Variants in LSAMP observed in about 807,000 individuals in gnomAD.
LSAMP encodes limbic system-associated membrane protein.
Under a neutral mutation model 38.6 loss-of-function variants are expected in LSAMP, and 7 were observed. The ratio of observed to expected loss-of-function variants is 0.18; its 90% confidence interval spans 0.10 to 0.34. The LOEUF (loss-of-function observed/expected upper bound fraction) is 0.34. Ranked by LOEUF, LSAMP falls within the 10% of genes least tolerant of loss-of-function variation. The pLI is 1.00. For synonymous variants in LSAMP, 154 were observed against 166.8 expected, an observed-to-expected ratio of 0.92 and a Z score of 0.59; for missense variants, 313 against 420.0, an observed-to-expected ratio of 0.75 and a Z score of 2.23.
At chr3:116,210,231 C>T (rs1476905112) in intron 1 of LSAMP, among the ~76,000 whole-genome samples, 1 of 152,064 alleles carries the variant, frequency 6.6e-6, no homozygotes, top group Non-Finnish European at 1.5e-5. Flanking sequence ...TGGAAGGATG[C>T]AAAGTATTGT....
chr3:116,104,486 TC>T (rs1476991421), intron 1 of LSAMP, among the ~76,000 whole-genome samples: 2 of 151,890 alleles, frequency 1.3e-5, no homozygotes, highest in African/African-American at 2.4e-5. Flanking sequence ...GCTTTGTTCA[TC>T]GGGGAGAAAT....
chr3:116,031,768 G>A (rs1423752624), intron 2 of LSAMP, among the ~76,000 whole-genome samples: 1 of 151,558 alleles, frequency 6.6e-6, no homozygotes, highest in Non-Finnish European at 1.5e-5. Flanking sequence ...TTCACAGGAG[G>A]TTTTAGAATT....
At chr3:116,135,304 A>T (rs1709223816) in intron 1 of LSAMP, among the ~76,000 whole-genome samples, 1 of 152,200 alleles carries the variant, frequency 6.6e-6, no homozygotes, top group Non-Finnish European at 1.5e-5. Flanking sequence ...AACGTTTATA[A>T]AGGGCATTCA....
chr3:116,351,692 T>G (rs1249433194), intron 1 of LSAMP, among the ~76,000 whole-genome samples: 3 of 152,062 alleles, frequency 2.0e-5, no homozygotes, highest in African/African-American at 4.8e-5. Flanking sequence ...CCCTAGAAAC[T>G]GTTGTCTGTT....
At chr3:116,143,833 C>G (rs745321248) in intron 1 of LSAMP, among the ~76,000 whole-genome samples, 1 of 151,792 alleles carries the variant, frequency 6.6e-6, no homozygotes, top group African/African-American at 2.4e-5. Context: ...GTTAGCTTCC[C>G]TCCTCCTTTG....
At chr3:116,443,891 G>A (rs763037260) in intron 1 of LSAMP, among the ~76,000 whole-genome samples, 1 of 152,136 alleles carries the variant, frequency 6.6e-6, no homozygotes, top group Non-Finnish European at 1.5e-5. Flanking sequence ...AGAGGAGGAA[G>A]AGAAAAGAGA....
At chr3:115,887,517 C>T (rs1936486472) in intron 3 of LSAMP, among the ~76,000 whole-genome samples, 2 of 151,854 alleles carry the variant, frequency 1.3e-5, no homozygotes, top group South Asian at 4.1e-4. Context: ...TTTGGTTTTG[C>T]ATTAAGTAGA....
chr3:116,155,447 C>T (rs527922415), intron 1 of LSAMP, among the ~76,000 whole-genome samples: 4 of 152,024 alleles, frequency 2.6e-5, no homozygotes, highest in South Asian at 2.1e-4. Context: ...AGGCTGGTTT[C>T]GAACTCCTGA....
intron 3 of LSAMP, among the ~76,000 whole-genome samples, chr3:115,854,252 A>C (rs1559851775): frequency 8.5e-6 from 1 of 117,750 alleles, no homozygotes; most frequent in Non-Finnish European, 1.7e-5. Flanking sequence ...ATAGTTAAAT[A>C]TTATTATTAT....
intron 3 of LSAMP, among the ~76,000 whole-genome samples, chr3:115,975,291 CA>C (rs1439932845): frequency 1.3e-5 from 2 of 151,902 alleles, no homozygotes; most frequent in African/African-American, 2.4e-5. Flanking sequence ...GACAAACAAA[CA>C]AAAAAACAAA....
In LSAMP at chr3:116,241,764, A is replaced by T. The variant is rs530620328; in HGVS notation, c.156-155208T>A. 2.6e-5 allele frequency among the ~76,000 whole-genome samples: 4 copies of T among 152,318 alleles called. No homozygotes were observed. In the East Asian group the frequency reaches 7.7e-4, roughly 29 times the overall value. Reference sequence around the variant, plus strand: ...GGGTTGGGTGCATCTACAATCAGCAAATGTTGTCCACTGCATATTCTCATG... The same window carrying T: ...GGGTTGGGTGCATCTACAATCAGCATATGTTGTCCACTGCATATTCTCATG... On this transcript the variant is annotated intron_variant, in intron 1 of 6. Transcript: ENST00000490035.
intron 1 of LSAMP, among the ~76,000 whole-genome samples, chr3:116,198,252 A>G (rs1239333257): frequency 1.3e-5 from 2 of 152,188 alleles, no homozygotes; most frequent in Non-Finnish European, 2.9e-5. Context: ...GGGAAAATAG[A>G]CTTGATGTTC....
intron 1 of LSAMP, among the ~76,000 whole-genome samples, chr3:116,164,509 G>A (rs914062236): frequency 1.4e-5 from 2 of 147,366 alleles, no homozygotes; most frequent in African/African-American, 5.0e-5. Flanking sequence ...TAAGAGTGTG[G>A]AGAATAAACT....
intron 6 of LSAMP, among the ~76,000 whole-genome samples, chr3:115,840,770 T>C (rs1206073877): frequency 6.6e-6 from 1 of 152,194 alleles, no homozygotes; most frequent in South Asian, 2.1e-4. Flanking sequence ...AAATGGAATA[T>C]AGCAAGATAG....
At chr3:115,932,408 T>TA (rs1263002087) in intron 3 of LSAMP, among the ~76,000 whole-genome samples, 7 of 152,192 alleles carry the variant, frequency 4.6e-5, no homozygotes, top group Admixed American at 3.3e-4. Flanking sequence ...GGATACTTTT[T>TA]AAAAAAATAA....
chr3:115,806,476 A>T lies in LSAMP; in HGVS notation c.*3841T>A, dbSNP rs1264706243. ...CGACTCTGGAGGATTCAAGAAGCTC[A>T]CAACTTGGTAAAGTAATAACTCAAA... is the stretch of plus-strand genomic sequence containing the variant. On this transcript the variant is annotated 3_prime_UTR_variant, in exon 7 of 7. Transcript: ENST00000490035. The T allele has an allele frequency of 6.6e-6, 1 of 152,216 alleles. No homozygotes were observed. Among genetic ancestry groups the T allele is most frequent in the Non-Finnish European group, 1.5e-5 (1 of 68,038 alleles). 9.4% of individuals were successfully genotyped at this position (152,216 alleles called of 1,614,324 possible).
chr3:115,907,815 C>G (rs1035787692), intron 3 of LSAMP, among the ~76,000 whole-genome samples: 22 of 152,178 alleles, frequency 1.4e-4, no homozygotes, highest in African/African-American at 4.8e-4. Flanking sequence ...GCTGAAGAAA[C>G]AGAGAGTTGT....
At chr3:116,101,088 G>T (rs1708337308) in intron 1 of LSAMP, among the ~76,000 whole-genome samples, 1 of 152,142 alleles carries the variant, frequency 6.6e-6, no homozygotes, top group Non-Finnish European at 1.5e-5. Flanking sequence ...GCCTATCAAA[G>T]TTCCTTACAC....
chr3:116,430,961 G>T (rs2107871721), intron 1 of LSAMP, among the ~76,000 whole-genome samples: 1 of 150,876 alleles, frequency 6.6e-6, no homozygotes, highest in Non-Finnish European at 1.5e-5. Context: ...AATGAGATTT[G>T]GTATAATCAC....
Sources: allele counts gnomAD v4.1 joint callset (sites outside exome capture counted in the v4.1 genomes callset), GRCh38; gene constraint gnomAD v4.1.1; transcripts MANE v1.5; gene names NCBI Gene and HGNC (gene_info 2026-07-23, HGNC 2026-07-21).